The following RALYL variants were observed in gnomAD, a reference collection of about 807,000 sequenced individuals.
RALYL encodes the protein RNA-binding Raly-like protein.
A neutral mutation model predicts 35.1 loss-of-function variants in RALYL; 29 were observed. That is an observed-to-expected ratio of 0.83 (90% CI 0.61 to 1.13). RALYL has a LOEUF of 1.13. RALYL is among the 50% of genes most tolerant of loss of function. RALYL has a pLI of 0.00. For synonymous variants in RALYL, 120 were observed against 127.6 expected (o/e 0.94, Z 0.40); for missense variants, 359 against 360.4 (o/e 1.00, Z 0.03).
intron 1 of RALYL, among the ~76,000 whole-genome samples, chr8:84,292,927 A>C (rs1432978556): frequency 6.6e-6 from 1 of 152,036 alleles, no homozygotes; most frequent in Non-Finnish European, 1.5e-5. Context: ...TTCTCACATC[A>C]CATTTCTTTT....
chr8:84,550,350 C>A (rs2060633850), intron 2 of RALYL, among the ~76,000 whole-genome samples: 1 of 152,036 alleles, frequency 6.6e-6, no homozygotes, highest in Admixed American at 6.6e-5. Flanking sequence ...GAAGTTGCTA[C>A]AATTAACAGT....
intron 2 of RALYL, among the ~76,000 whole-genome samples, chr8:84,669,805 T>A (rs78103645): frequency 0.01 from 1,562 of 152,202 alleles, 32 homozygotes; most frequent in African/African-American, 0.035. Flanking sequence ...ATACCATAGC[T>A]AAGTAAATGA....
intron 1 of RALYL, among the ~76,000 whole-genome samples, chr8:84,208,099 T>C (rs187424190): frequency 1.0e-3 from 152 of 152,204 alleles, no homozygotes; most frequent in African/African-American, 3.6e-3. Flanking sequence ...AATTTGAGTT[T>C]TCTTCATGGG....
intron 1 of RALYL, among the ~76,000 whole-genome samples, chr8:84,374,141 T>G (rs1452008738): frequency 1.3e-5 from 2 of 152,046 alleles, no homozygotes; most frequent in Non-Finnish European, 2.9e-5. Flanking sequence ...TATAGGAACA[T>G]GTCATCTGCA....
intron 2 of RALYL, among the ~76,000 whole-genome samples, chr8:84,718,589 C>A (rs957649988): frequency 6.6e-6 from 1 of 151,800 alleles, no homozygotes; most frequent in Non-Finnish European, 1.5e-5. Context: ...CATGGTGAAA[C>A]CTCATCTCTA....
At chr8:84,741,320 G>A (rs1406590137) in intron 2 of RALYL, among the ~76,000 whole-genome samples, 1 of 151,970 alleles carries the variant, frequency 6.6e-6, no homozygotes, top group Non-Finnish European at 1.5e-5. Context: ...TATTCCTCAG[G>A]AGTGATATCA....
At chr8:84,607,920 G>GT (rs796464854) in intron 2 of RALYL, among the ~76,000 whole-genome samples, 7,588 of 143,974 alleles carry the variant, frequency 0.053, 548 homozygotes, top group African/African-American at 0.16. Context: ...AAGCATCTAG[G>GT]TTTTTTTTTT....
intron 2 of RALYL, among the ~76,000 whole-genome samples, chr8:84,544,152 GGTTAT>G (rs2060201352): frequency 6.6e-6 from 1 of 151,804 alleles, no homozygotes; most frequent in South Asian, 2.1e-4. Context: ...TCCTCTGTGA[GGTTAT>G]GTCACCAAGT....
At chr8:84,586,248 T>C (rs1811983817) in intron 2 of RALYL, among the ~76,000 whole-genome samples, 1 of 151,998 alleles carries the variant, frequency 6.6e-6, no homozygotes, top group Admixed American at 6.6e-5. Context: ...CTCTCCTGAT[T>C]TCAGAAAGGC....
At chr8:84,910,544 T>C (rs1428353615) in intron 8 of RALYL, among the ~76,000 whole-genome samples, 1 of 152,070 alleles carries the variant, frequency 6.6e-6, no homozygotes, top group Non-Finnish European at 1.5e-5. Context: ...TCAATGATGA[T>C]GTTAAGGGCT....
At chr8:84,409,203 G>T (rs964707165) in intron 1 of RALYL, among the ~76,000 whole-genome samples, 3 of 151,886 alleles carry the variant, frequency 2.0e-5, no homozygotes, top group African/African-American at 7.3e-5. Context: ...TATCAGAGCA[G>T]GTGATTTTAT....
intron 1 of RALYL, among the ~76,000 whole-genome samples, chr8:84,212,653 G>A (rs1236723076): frequency 6.6e-6 from 1 of 152,160 alleles, no homozygotes; most frequent in Non-Finnish European, 1.5e-5. Flanking sequence ...GGCAGTATAA[G>A]TGAGGTAAAG....
rs1039714514 is a variant in RALYL at position 84,921,710 on chromosome 8, C to T, written c.*799C>T. 2 of 152,138 alleles carry T rather than the reference C, an allele frequency of 1.3e-5. No individual in the cohort carries two copies. The highest frequency in any genetic ancestry group is 4.1e-4 in the South Asian group (2 of 4,832). 9.4% of individuals were successfully genotyped at this position (152,138 alleles called of 1,614,324 possible). ...CTCCTGTTCCTAGGAACTCTCCATTCCCAAGCATTGCCAGTGTTTTCCAGA... is the reference window on the plus strand; with the variant it reads ...CTCCTGTTCCTAGGAACTCTCCATTTCCAAGCATTGCCAGTGTTTTCCAGA... On this transcript the variant is annotated 3_prime_UTR_variant, in exon 9 of 9. Transcript: ENST00000521268.
intron 2 of RALYL, among the ~76,000 whole-genome samples, chr8:84,653,221 A>G (rs925625020): frequency 1.3e-5 from 2 of 152,132 alleles, no homozygotes; most frequent in Non-Finnish European, 2.9e-5. Context: ...TTTAAATTAT[A>G]TGCCACTTTT....
At chr8:84,829,302 A>C (rs1830390680) in intron 4 of RALYL, 1 of 152,310 alleles carries the variant, frequency 6.6e-6, no homozygotes, top group African/African-American at 2.4e-5. Context: ...GCTACAACTC[A>C]AGATGAGATT....
chr8:84,900,603 C>T (rs538903778), intron 8 of RALYL, among the ~76,000 whole-genome samples: 36 of 151,880 alleles, frequency 2.4e-4, no homozygotes, highest in African/African-American at 3.4e-4. Flanking sequence ...GGCTTGAACC[C>T]GGGAGGCAGA....
chr8:84,467,878 A>G (rs564957746), intron 1 of RALYL, among the ~76,000 whole-genome samples: 1 of 134,540 alleles, frequency 7.4e-6, no homozygotes, highest in African/African-American at 2.8e-5. Flanking sequence ...TGTTGAATTG[A>G]TCCCTTTACC....
chr8:84,685,876 C>T (rs185864597), intron 2 of RALYL, among the ~76,000 whole-genome samples: 3 of 152,190 alleles, frequency 2.0e-5, no homozygotes, highest in East Asian at 3.9e-4. Context: ...AAAAGGGTTG[C>T]AGCTTGTGAA....
chr8:84,796,989 T>G (rs1822081796), intron 3 of RALYL, among the ~76,000 whole-genome samples: 1 of 152,204 alleles, frequency 6.6e-6, no homozygotes, highest in Non-Finnish European at 1.5e-5. Flanking sequence ...ACTCCGTCAC[T>G]TTGCTGTGTG....
Sources: gnomAD v4.1 joint callset for allele counts (sites outside exome capture counted in the v4.1 genomes callset) on GRCh38, gnomAD v4.1.1 for gene constraint, MANE v1.5 for transcripts, NCBI Gene and HGNC (gene_info 2026-07-23, HGNC 2026-07-21) for gene names.